The following ZNF470 variants were observed in gnomAD, a reference collection of about 807,000 sequenced individuals.
ZNF470 encodes the protein chondrogenesis zinc finger protein 1.
In ZNF470, 13 loss-of-function variants were observed where a neutral mutation model predicts 13.9. The ratio of observed to expected loss-of-function variants is 0.94; its 90% CI spans 0.61 to 1.49. The LOEUF (loss-of-function observed/expected upper bound fraction) is 1.49, where lower values mean the gene tolerates loss of function less well. ZNF470 is among the 40% of genes most tolerant of loss of function. ZNF470 has a pLI of 0.00. For synonymous variants in ZNF470, 293 were observed against 282.9 expected (o/e 1.04, Z -0.36); for missense variants, 929 against 857.3 (o/e 1.08, Z -1.04).
Position 56,578,013 on chromosome 19 carries a change from G to C in ZNF470, c.1584G>C (p.Gln528His). ...AGAATGCACACCTCGCGCAACATCA[G>C]AAAATACACACTGGGGAGAAACCTT... Reference protein sequence around the residue: ...FSQNAHLAQHQKIHTGEKPYE... With the variant: ...FSQNAHLAQHHKIHTGEKPYE... Residue 528 changes from glutamine (Q) to histidine (H), a missense_variant, in exon 6 of 6, where the codon CAG (glutamine) becomes CAC (histidine). Coordinates refer to ENST00000330619, the MANE Select transcript of ZNF470 (RefSeq NM_001001668.4). The C allele has an allele frequency of 1.2e-6, 2 of 1,613,370 alleles. No homozygotes were observed. Among genetic ancestry groups the C allele is most frequent in the Non-Finnish European group, 1.7e-6 (2 of 1,179,502 alleles).
rs2044513910 is a variant in ZNF470, at chr19:56,578,835, T to G, written c.*252T>G. ...TATATTAACTAATCCATTTCAAGGA[T>G]TTAGCACACACTGGCATATAGTTAT... On this transcript the variant is annotated 3_prime_UTR_variant, in exon 6 of 6. Transcript: ENST00000330619. 8.5e-7 allele frequency: 1 copy of G among 1,180,492 alleles called. No individual in the cohort carries two copies. The highest frequency in any genetic ancestry group is 1.6e-5 in the African/African-American group (1 of 63,526). The allele number at this position is 1,180,492 out of a possible 1,614,324, so 73.1% of individuals were successfully genotyped here.
In ZNF470 at chr19:56,578,553, C is replaced by G. The variant is rs1465064510; in HGVS notation, c.2124C>G (p.Ser708=). The change falls in exon 6 of 6, where the codon TCC becomes TCG. Residue 708 remains serine (S), a synonymous_variant. Coordinates refer to ENST00000330619, the MANE Select transcript of ZNF470 (RefSeq NM_001001668.4). ...IHTGESSVIL[S]SALPYHQVL Reference sequence around the variant, plus strand: ...CCGGAGAGTCATCAGTTATTCTCTCCTCTGCCCTCCCATACCACCAAGTCC... The same window carrying G: ...CCGGAGAGTCATCAGTTATTCTCTCGTCTGCCCTCCCATACCACCAAGTCC... 1.9e-6 allele frequency: 3 copies of G among 1,560,810 alleles called. No individual in the cohort carries two copies. In the South Asian group the frequency reaches 3.6e-5, roughly 19 times the overall value.
At chr19:56,571,910 G>A (rs2044454768) in intron 3 of ZNF470, among the ~76,000 whole-genome samples, 1 of 151,646 alleles carries the variant, frequency 6.6e-6, no homozygotes, top group Admixed American at 6.6e-5. Context: ...GAGCCACTGT[G>A]CCTGGCAAAA....
intron 4 of ZNF470, 54 bp downstream of exon 4, chr19:56,574,574 A>G (rs1255268223): frequency 3.7e-6 from 6 of 1,611,448 alleles, no homozygotes; most frequent in Non-Finnish European, 4.2e-6. Flanking sequence ...CTTTTATGCC[A>G]TTATCAGAAT....
chr19:56,572,716 C>G (rs932519860), intron 3 of ZNF470, among the ~76,000 whole-genome samples: 1 of 151,676 alleles, frequency 6.6e-6, no homozygotes, highest in African/African-American at 2.4e-5. Context: ...CTGCTGAAAA[C>G]TAAAGACAAA....
intron 3 of ZNF470, among the ~76,000 whole-genome samples, chr19:56,571,375 C>A (rs2044450696): frequency 1.3e-5 from 2 of 152,246 alleles, no homozygotes; most frequent in Middle Eastern, 6.8e-3. Flanking sequence ...CCTAGTTTTT[C>A]ATTCCTTGTG....
rs1166265737 is a variant in ZNF470, at chr19:56,580,974, A to C, written c.*2391A>C. The C allele has an allele frequency of 2.0e-6, 2 of 984,790 alleles. No homozygotes were observed. The highest frequency in any genetic ancestry group is 5.2e-4 in the Middle Eastern group (1 of 1,932). 61.0% of individuals were successfully genotyped at this position (984,790 alleles called of 1,614,324 possible). A position where few individuals can be genotyped will look rare whatever the true frequency, so the allele number is the denominator to read the frequency against. ...TCTAAATGTAAAATTAAAGTACATG[A>C]AAAACAGAATAATATATATGTACCC... On this transcript the variant is annotated 3_prime_UTR_variant, in exon 6 of 6. Coordinates refer to ENST00000330619, the MANE Select transcript of ZNF470 (RefSeq NM_001001668.4).
Position 56,578,306 on chromosome 19 carries a change from G to C in ZNF470, c.1877G>C (p.Cys626Ser), listed in dbSNP as rs780059596. The change falls in exon 6 of 6, where the codon TGT becomes TCT. Residue 626 changes from cysteine (C) to serine (S), a missense_variant. Coordinates refer to ENST00000330619, the MANE Select transcript of ZNF470 (RefSeq NM_001001668.4). ...TGEKPYECNV[C>S]GKAFSHRKSL... Reference sequence around the variant, plus strand: ...GAGAAACCTTATGAATGTAATGTTTGTGGGAAAGCCTTTAGCCATCGTAAA... The same window carrying C: ...GAGAAACCTTATGAATGTAATGTTTCTGGGAAAGCCTTTAGCCATCGTAAA... 1.9e-5 allele frequency: 30 copies of C among 1,613,076 alleles called. No individual in the cohort carries two copies. Among genetic ancestry groups the C allele is most frequent in the Non-Finnish European group, 2.5e-5 (30 of 1,179,556 alleles).
Position 56,567,672 on chromosome 19 carries a change from C to A in ZNF470, c.-525C>A. On this transcript the variant is annotated 5_prime_UTR_variant, in exon 1 of 6. It adds an upstream start codon to the 5' untranslated region. Coordinates refer to ENST00000330619, the MANE Select transcript of ZNF470 (RefSeq NM_001001668.4). ...TACGTGGTGAGCGTGCGGTGCTGTG[C>A]TGAGGAGGGGCGAGCGCGCGCGGGG... is the stretch of plus-strand genomic sequence containing the variant. 1.0e-6 allele frequency: 1 copy of A among 987,916 alleles called. No individual in the cohort carries two copies. Among genetic ancestry groups the A allele is most frequent in the Non-Finnish European group, 1.2e-6 (1 of 831,876 alleles). The allele number at this position is 987,916 out of a possible 1,614,324, so 61.2% of individuals were successfully genotyped here.
In ZNF470 at chr19:56,577,236, C is replaced by T. The variant is rs769739564; in HGVS notation, c.807C>T (p.Ala269=). ...GTGGAAAGGCCTTTAGCCAGAGTGC[C>T]CACCTTGCTCAACATCAGAGAATAC... is the stretch of plus-strand genomic sequence containing the variant. ...IECGKAFSQS[A]HLAQHQRIHT... The change falls in exon 6 of 6, where the codon GCC becomes GCT. Residue 269 remains alanine, a synonymous_variant. Transcript: ENST00000330619. 22 of 1,610,988 alleles carry T rather than the reference C, an allele frequency of 1.4e-5. No individual in the cohort carries two copies. The highest frequency in any genetic ancestry group is 1.7e-4 in the Middle Eastern group (1 of 6,056).
intron 3 of ZNF470, among the ~76,000 whole-genome samples, chr19:56,572,371 A>AAAAAAAAT (rs2044459428): frequency 1.2e-4 from 2 of 17,236 alleles, no homozygotes; most frequent in South Asian, 1.6e-3. Flanking sequence ...AAAAAAAAAA[A>AAAAAAAAT]ATATATATAT....
intron 3 of ZNF470, among the ~76,000 whole-genome samples, chr19:56,571,419 A>G (rs1466898744): frequency 1.3e-5 from 2 of 152,232 alleles, no homozygotes; most frequent in East Asian, 3.9e-4. Context: ...CTACCCTAGA[A>G]CATTTTAAAT....
intron 3 of ZNF470, among the ~76,000 whole-genome samples, chr19:56,570,748 G>T (rs1340466684): frequency 6.6e-6 from 1 of 152,174 alleles, no homozygotes; most frequent in Non-Finnish European, 1.5e-5. Flanking sequence ...ATCTGCTGGA[G>T]AAATGAAAAG....
rs1294132648 is a variant in ZNF470 at position 56,580,148 on chromosome 19, A to G, written c.*1565A>G. ...CTGGATCAGGCACCTTACTATCCCC[A>G]GAACATGTTGGTATTAGAGGATGAG... is the stretch of plus-strand genomic sequence containing the variant. On this transcript the variant is annotated 3_prime_UTR_variant, in exon 6 of 6. Coordinates refer to ENST00000330619, the MANE Select transcript of ZNF470 (RefSeq NM_001001668.4). The G allele has an allele frequency of 4.1e-6, 4 of 984,704 alleles. No homozygotes were observed. The highest frequency in any genetic ancestry group is 4.8e-6 in the Non-Finnish European group (4 of 829,530). The allele number at this position is 984,704 out of a possible 1,614,324, so 61.0% of individuals were successfully genotyped here. A position where few individuals can be genotyped will look rare whatever the true frequency, so the allele number is the denominator to read the frequency against.
At position 56,579,738 on chromosome 19, in the gene ZNF470, T is replaced by A. The variant is rs1425232629; in HGVS notation, c.*1155T>A. On this transcript the variant is annotated 3_prime_UTR_variant, in exon 6 of 6. Coordinates refer to ENST00000330619, the MANE Select transcript of ZNF470 (RefSeq NM_001001668.4). ...AGATGTTACAACTTAAACTTATTTT[T>A]AAAATATTTAAAAATAGGAAGGCTA... 1.0e-6 allele frequency: 1 copy of A among 976,592 alleles called. No homozygotes were observed. Among genetic ancestry groups the A allele is most frequent in the African/African-American group, 1.8e-5 (1 of 57,070 alleles). The allele number at this position is 976,592 out of a possible 1,614,324, so 60.5% of individuals were successfully genotyped here.
In ZNF470 at chr19:56,567,722, C is replaced by T. The variant is rs1018410155; in HGVS notation, c.-475C>T. 4 of 988,248 alleles carry T rather than the reference C, an allele frequency of 4.0e-6. No individual in the cohort carries two copies. The highest frequency in any genetic ancestry group is 5.2e-4 in the Middle Eastern group (1 of 1,926). The allele number at this position is 988,248 out of a possible 1,614,324, so 61.2% of individuals were successfully genotyped here. On this transcript the variant is annotated 5_prime_UTR_variant, in exon 1 of 6. Transcript: ENST00000330619. ...GATGGCGGCCCGGTGTGTGACTGTCCGGTGCGTGGCCGCGAATCTGCGCCT... is the reference window on the plus strand; with the variant it reads ...GATGGCGGCCCGGTGTGTGACTGTCTGGTGCGTGGCCGCGAATCTGCGCCT...
intron 3 of ZNF470, among the ~76,000 whole-genome samples, chr19:56,571,573 T>G (rs1364063245): frequency 2.0e-5 from 3 of 152,070 alleles, no homozygotes; most frequent in Non-Finnish European, 4.4e-5. Context: ...AAAATTAAAA[T>G]TTTTAAAATG....
Position 56,580,227 on chromosome 19 carries a change from A to G in ZNF470, c.*1644A>G. 6.7e-6 allele frequency: 6 copies of G among 892,446 alleles called. No individual in the cohort carries two copies. The highest frequency in any genetic ancestry group is 8.0e-6 in the Non-Finnish European group (6 of 745,690). The allele number at this position is 892,446 out of a possible 1,614,324, so 55.3% of individuals were successfully genotyped here. A position where few individuals can be genotyped will look rare whatever the true frequency, so the allele number is the denominator to read the frequency against. ...AAAAGGCATAATGAAAATAGTCATG[A>G]TAGTCCCAAGGCAGATATTGTTTAT... On this transcript the variant is annotated 3_prime_UTR_variant, in exon 6 of 6. Coordinates refer to ENST00000330619, the MANE Select transcript of ZNF470 (RefSeq NM_001001668.4).
At chr19:56,574,201 T>C (rs1600566351) in intron 3 of ZNF470, 193 bp from the exon 4 acceptor site, 2 of 937,652 alleles carry the variant, frequency 2.1e-6, no homozygotes, top group Non-Finnish European at 1.7e-6. Context: ...TTTTTCTTTT[T>C]CCTAATATGT....
Sources: allele counts gnomAD v4.1 joint callset (sites outside exome capture counted in the v4.1 genomes callset), GRCh38; gene constraint gnomAD v4.1.1; transcripts MANE v1.5; gene names NCBI Gene and HGNC (gene_info 2026-07-23, HGNC 2026-07-21).